The following RYR1 variants were observed in gnomAD, a reference collection of about 807,000 sequenced individuals.
RYR1 encodes the protein ryanodine receptor 1.
A neutral mutation model predicts 583.5 loss-of-function variants in RYR1; 342 were observed. That is an observed-to-expected ratio of 0.59 (90% CI 0.54 to 0.64). RYR1 has a LOEUF of 0.64. RYR1 is among the 30% of genes least tolerant of loss of function. The pLI is 0.00. For synonymous variants in RYR1, 2,791 were observed against 2,822.5 expected (o/e 0.99, Z 0.35); for missense variants, 6,032 against 6,917.2 (o/e 0.87, Z 4.54).
rs114529901 is a variant in RYR1, at chr19:38,464,741, G to A, written c.2870+19G>A. 8.4e-4 allele frequency: 1,310 copies of A among 1,561,036 alleles called. 5 individuals carry two copies. The African/African-American group carries it at 0.014, about 16-fold the overall frequency. On this transcript the variant is annotated intron_variant, in intron 23 of 105. Transcript: ENST00000359596. Reference sequence around the variant, plus strand: ...CCAAGACGTGAGTGTGGGCAGCCAGGTCCCGTCTGGGGATGGACTGGGGGC... The same window carrying A: ...CCAAGACGTGAGTGTGGGCAGCCAGATCCCGTCTGGGGATGGACTGGGGGC...
intron 87 of RYR1, among the ~76,000 whole-genome samples, chr19:38,544,666 C>T (rs1329275491): frequency 1.3e-5 from 2 of 152,172 alleles, no homozygotes; most frequent in Admixed American, 6.6e-5. Context: ...GGCAGAAACC[C>T]TAATTCGTTG....
Position 38,496,769 on chromosome 19 carries a change from C to T in RYR1, c.6797-91C>T, listed in dbSNP as rs1969849024. 1.5e-6 allele frequency: 2 copies of T among 1,311,348 alleles called. No individual in the cohort carries two copies. The highest frequency in any genetic ancestry group is 2.2e-6 in the Non-Finnish European group (2 of 908,374). 81.2% of individuals were successfully genotyped at this position (1,311,348 alleles called of 1,614,324 possible). ...GTACAGACCAGAGGAGGCACCTGAT[C>T]CAGGCTGGAAAAAGGGTGGTCAGGG... On this transcript the variant is annotated intron_variant, in intron 41 of 105. Transcript: ENST00000359596. The surrounding 1 kb of genome is among the most constrained non-coding windows in gnomAD (Gnocchi z 4.8).
At chr19:38,557,123 G>A (rs914694325) in intron 89 of RYR1, among the ~76,000 whole-genome samples, 3 of 131,378 alleles carry the variant, frequency 2.3e-5, no homozygotes, top group Admixed American at 1.9e-4. Context: ...GCATGCTCTC[G>A]GCTCACTGCA....
chr19:38,584,414 T>C (rs1463635445), intron 101 of RYR1, among the ~76,000 whole-genome samples: 1 of 108,564 alleles, frequency 9.2e-6, no homozygotes, highest in African/African-American at 3.7e-5. Context: ...GTACCCTCCA[T>C]CCTGGCCCTG....
At chr19:38,525,613 G>A (rs1971434551) in intron 71 of RYR1, 111 bp downstream of exon 71, 1 of 1,221,034 alleles carries the variant, frequency 8.2e-7, no homozygotes, top group Non-Finnish European at 1.2e-6. Context: ...CAGGTCCCTG[G>A]GAGCCTTCCC....
intron 99 of RYR1, among the ~76,000 whole-genome samples, chr19:38,578,614 C>G (rs1974063134): frequency 6.6e-6 from 1 of 150,470 alleles, no homozygotes; most frequent in African/African-American, 2.4e-5. Flanking sequence ...AGGCAGATCA[C>G]TTGAGGTCAG....
rs193922830 is a variant in RYR1 at position 38,505,923 on chromosome 19, C to T, written c.8518C>T (p.Arg2840Trp). 45 of 1,612,978 alleles carry T rather than the reference C, an allele frequency of 2.8e-5. No individual in the cohort carries two copies. Among genetic ancestry groups the T allele is most frequent in the South Asian group, 2.3e-4 (21 of 91,044 alleles). ...GGAGAAGACGGAAAAGAAAAAAACG[C>T]GGAAGATATCACAAAGTGCCCAGGT... ...EEEKTEKKKTRKISQSAQTYD... is the reference protein window; with the variant it reads ...EEEKTEKKKTWKISQSAQTYD... Residue 2840 changes from arginine to tryptophan, a missense_variant, in exon 54 of 106, where the codon CGG (arginine) becomes TGG (tryptophan). By Grantham distance (101) the Arg-to-Trp change is moderately radical (BLOSUM62 -3). Transcript: ENST00000359596.
intron 60 of RYR1, among the ~76,000 whole-genome samples, 188 bp from the exon 61 acceptor site, chr19:38,511,373 G>A (rs1970717135): frequency 6.6e-6 from 1 of 152,092 alleles, no homozygotes; most frequent in Non-Finnish European, 1.5e-5. Context: ...TACTGCCTGT[G>A]ACATTCCAGC....
chr19:38,537,950 G>A lies in RYR1; in HGVS notation c.11679G>A (p.Gly3893=), dbSNP rs768447663. 17 of 1,559,460 alleles carry A rather than the reference G, an allele frequency of 1.1e-5. No homozygotes were observed. The highest frequency in any genetic ancestry group is 1.4e-5 in the African/African-American group (1 of 73,824). ...GATTCCTACAATTGCTCTGTGAGGG[G>A]CACAATAATGGTGAGGAGGAGGGGT... ...LFRFLQLLCE[G]HNNDFQNYLR... is the part of the protein sequence containing the mutation. Residue 3893 remains glycine, a synonymous_variant, in exon 84 of 106, where the codon GGG becomes GGA. Coordinates refer to ENST00000359596, the MANE Select transcript of RYR1 (RefSeq NM_000540.3).
chr19:38,563,693 G>C (rs1287454048), intron 90 of RYR1, among the ~76,000 whole-genome samples: 1 of 152,164 alleles, frequency 6.6e-6, no homozygotes, highest in East Asian at 1.9e-4. Context: ...GAAAACGGAG[G>C]TCCAGAGAGT....
chr19:38,467,732 G>A lies in RYR1; in HGVS notation c.3301G>A (p.Val1101Met), dbSNP rs145088074. The change falls in exon 25 of 106, where the codon GTG (valine) becomes ATG (methionine). Residue 1101 changes from valine to methionine, a missense_variant. This residue lies in a region of RYR1 where 2,627 missense variants were observed against 2,961.3 expected (regional missense o/e 0.89). Transcript: ENST00000359596. ...AGCAGTCACCACAGGCGAGATGCGC[G>A]TGGGCTGGGCGAGGCCCGAGCTGAG... Reference protein sequence around the residue: ...FEAVTTGEMRVGWARPELRPD... With the variant: ...FEAVTTGEMRMGWARPELRPD... 9.3e-6 allele frequency: 15 copies of A among 1,614,110 alleles called. No homozygotes were observed. Among genetic ancestry groups the A allele is most frequent in the Admixed American group, 3.3e-5 (2 of 60,010 alleles).
At position 38,496,368 on chromosome 19, in the gene RYR1, C is replaced by T; in HGVS notation, c.6663+39C>T. On this transcript the variant is annotated intron_variant, in intron 40 of 105. Transcript: ENST00000359596. This position sits in a 1 kb window ranked among gnomAD's most constrained non-coding sequence, Gnocchi z 4.8. ...CAGGTGCTGGGGAGCTCAGGGGAGG[C>T]AGCCACAGAGGGCAGGCCCTGACCA... The T allele has an allele frequency of 6.2e-7, 1 of 1,613,774 alleles. No individual in the cohort carries two copies. The highest frequency in any genetic ancestry group is 8.5e-7 in the Non-Finnish European group (1 of 1,180,026).
intron 89 of RYR1, among the ~76,000 whole-genome samples, chr19:38,555,216 C>A (rs113241159): frequency 2.0e-5 from 3 of 152,048 alleles, no homozygotes; most frequent in African/African-American, 7.2e-5. Flanking sequence ...TTTGGGAGGT[C>A]CAAGAGAGTG....
At chr19:38,477,101 T>G (rs1968774238) in intron 29 of RYR1, among the ~76,000 whole-genome samples, 1 of 152,102 alleles carries the variant, frequency 6.6e-6, no homozygotes, top group African/African-American at 2.4e-5. Context: ...AAAAAGACCT[T>G]AGCACAGTCA....
intron 58 of RYR1, among the ~76,000 whole-genome samples, chr19:38,509,127 G>A (rs772477335): frequency 1.1e-4 from 16 of 151,792 alleles, no homozygotes; most frequent in Non-Finnish European, 4.4e-5. Context: ...AGCAGGATTC[G>A]CTGTCACGTC....
chr19:38,497,957 G>A (rs1969922136), intron 42 of RYR1, among the ~76,000 whole-genome samples: 1 of 151,886 alleles, frequency 6.6e-6, no homozygotes, highest in Non-Finnish European at 1.5e-5. Flanking sequence ...CTCAGGGACA[G>A]AGCGAGACCC....
rs370974599 is a variant in RYR1, at chr19:38,458,371, G to T, written c.2167+79G>T. ...CTAAGTCTCTGACCATACACCTTGG[G>T]GTTCTCAGGATCCTGACTCCCTGAA... On this transcript the variant is annotated intron_variant, in intron 18 of 105. Transcript: ENST00000359596. The T allele has an allele frequency of 2.3e-5, 33 of 1,457,526 alleles. No individual in the cohort carries two copies. The East Asian group carries it at 2.3e-4, about 10-fold the overall frequency. 90.3% of individuals were successfully genotyped at this position (1,457,526 alleles called of 1,614,324 possible).
At chr19:38,484,203 A>G (rs760253874) in intron 33 of RYR1, among the ~76,000 whole-genome samples, 46 of 152,118 alleles carry the variant, frequency 3.0e-4, no homozygotes, top group Non-Finnish European at 6.5e-4. Context: ...GAGGCATGAG[A>G]ATTGCTTAAA....
intron 19 of RYR1, 134 bp downstream of exon 19, chr19:38,459,472 A>T (rs2145414991): frequency 1.2e-6 from 1 of 834,344 alleles, no homozygotes; most frequent in Middle Eastern, 3.2e-4. Flanking sequence ...GGTGTCCAGA[A>T]CCCTTACTTG....
Sources: allele counts gnomAD v4.1 joint callset (sites outside exome capture counted in the v4.1 genomes callset), GRCh38; gene constraint gnomAD v4.1.1; regional missense constraint gnomAD v4.1.1; non-coding constraint Gnocchi (gnomAD v3.1); transcripts MANE v1.5; gene names NCBI Gene and HGNC (gene_info 2026-07-23, HGNC 2026-07-21).